CSMD1: variants seen among roughly 807,000 people sequenced by gnomAD.
The protein encoded by CSMD1 is CUB and Sushi multiple domains 1, also known as CUB and sushi domain-containing protein 1.
In CSMD1, 213 loss-of-function variants were observed where a neutral mutation model predicts 417.5. The ratio of observed to expected loss-of-function variants is 0.51; its 90% CI spans 0.46 to 0.57. The LOEUF (loss-of-function observed/expected upper bound fraction) is 0.57, where lower values mean the gene tolerates loss of function less well. Among genes scored for constraint, CSMD1 ranks in the 20% least tolerant of loss-of-function variants. CSMD1 has a pLI of 0.00. For missense variants in CSMD1, 6,923 were observed against 4,529.7 expected, an observed-to-expected ratio of 1.53 and a Z score of -15.17; for synonymous variants, 2,862 against 1,736.8, an observed-to-expected ratio of 1.65 and a Z score of -16.11.
chr8:3,684,457 T>G (rs539783861), intron 7 of CSMD1, among the ~76,000 whole-genome samples: 63 of 150,878 alleles, frequency 4.2e-4, no homozygotes, highest in African/African-American at 1.5e-3. Flanking sequence ...ACAATTTTAT[T>G]TAGATATAGG....
chr8:3,521,336 G>C (rs1384147034), intron 10 of CSMD1, among the ~76,000 whole-genome samples: 1 of 152,022 alleles, frequency 6.6e-6, no homozygotes, highest in African/African-American at 2.4e-5. Flanking sequence ...TTTCACCTCT[G>C]TTTCTTTGCT....
chr8:4,856,545 G>T (rs1204820864), intron 1 of CSMD1, among the ~76,000 whole-genome samples: 2 of 139,474 alleles, frequency 1.4e-5, no homozygotes, highest in East Asian at 4.3e-4. Flanking sequence ...GACACACATA[G>T]GCTCAAAATA....
intron 3 of CSMD1, among the ~76,000 whole-genome samples, chr8:4,099,859 GTTTA>G (rs1482161624): frequency 4.6e-5 from 7 of 152,060 alleles, no homozygotes; most frequent in African/African-American, 1.7e-4. Flanking sequence ...CTTCTTTTCC[GTTTA>G]TTTAAGTTTT....
At chr8:4,435,611 G>T (rs1000263560) in intron 2 of CSMD1, among the ~76,000 whole-genome samples, 2 of 152,286 alleles carry the variant, frequency 1.3e-5, no homozygotes, top group South Asian at 2.1e-4. Context: ...CACGGCACAT[G>T]AGTGAATGGT....
chr8:4,218,407 A>G (rs141063329), intron 3 of CSMD1, among the ~76,000 whole-genome samples: 1 of 152,272 alleles, frequency 6.6e-6, no homozygotes, highest in African/African-American at 2.4e-5. Context: ...CAACTCGAAA[A>G]TGACCTTTAT....
At chr8:4,554,761 T>G (rs976864770) in intron 2 of CSMD1, among the ~76,000 whole-genome samples, 1 of 152,200 alleles carries the variant, frequency 6.6e-6, no homozygotes, top group Non-Finnish European at 1.5e-5. Flanking sequence ...TGAGTGCTAG[T>G]CATTGGCCAG....
At position 4,255,027 on chromosome 8, in the gene CSMD1, C is replaced by T. The variant is rs542247147; in HGVS notation, c.415+164926G>A. ...CAGAGTTATTTTCATCCAATCCCCT[C>T]GTACCATAGAGGAGTTGATCAAGCA... On this transcript the variant is annotated intron_variant, in intron 3 of 69. Coordinates refer to ENST00000635120, the MANE Select transcript of CSMD1 (RefSeq NM_033225.6). 1.3e-4 allele frequency among the ~76,000 whole-genome samples: 20 copies of T among 152,290 alleles called. No homozygotes were observed. In the South Asian group the frequency reaches 1.9e-3, roughly 14 times the overall value.
At chr8:4,964,921 A>G (rs902407060) in intron 1 of CSMD1, among the ~76,000 whole-genome samples, 12 of 152,182 alleles carry the variant, frequency 7.9e-5, no homozygotes, top group Non-Finnish European at 1.8e-4. Flanking sequence ...TCAGCACATC[A>G]GCCCTTGGTG....
At chr8:3,972,560 A>T (rs890877659) in intron 5 of CSMD1, among the ~76,000 whole-genome samples, 3 of 152,206 alleles carry the variant, frequency 2.0e-5, no homozygotes, top group African/African-American at 7.2e-5. Context: ...TATTGCTCAC[A>T]GGGCCTCTTA....
chr8:3,627,426 C>A (rs1210495158), intron 7 of CSMD1, among the ~76,000 whole-genome samples: 1 of 152,140 alleles, frequency 6.6e-6, no homozygotes, highest in Non-Finnish European at 1.5e-5. Context: ...GTCCTGAAAT[C>A]ACAGACATTA....
At chr8:3,068,933 T>C (rs942296415) in intron 49 of CSMD1, among the ~76,000 whole-genome samples, 2 of 152,034 alleles carry the variant, frequency 1.3e-5, no homozygotes, top group African/African-American at 4.8e-5. Context: ...CCTTCTCATA[T>C]TGCAAAATAA....
intron 3 of CSMD1, among the ~76,000 whole-genome samples, chr8:4,214,334 G>T (rs1349284756): frequency 6.6e-6 from 1 of 152,204 alleles, no homozygotes; most frequent in Non-Finnish European, 1.5e-5. Context: ...GTCTCACTCT[G>T]TCACTGAGGC....
At chr8:4,344,046 T>G (rs1373468895) in intron 3 of CSMD1, among the ~76,000 whole-genome samples, 1 of 152,194 alleles carries the variant, frequency 6.6e-6, no homozygotes, top group Non-Finnish European at 1.5e-5. Context: ...AATAGGTGTG[T>G]GTATGTGCGT....
chr8:3,408,948 T>C (rs1490796287), intron 13 of CSMD1, among the ~76,000 whole-genome samples: 1 of 152,196 alleles, frequency 6.6e-6, no homozygotes, highest in Non-Finnish European at 1.5e-5. Flanking sequence ...AAATCGACTG[T>C]GAAGCCTTTT....
intron 3 of CSMD1, among the ~76,000 whole-genome samples, chr8:4,147,863 G>A (rs563651581): frequency 6.6e-6 from 1 of 152,196 alleles, no homozygotes; most frequent in African/African-American, 2.4e-5. Context: ...AATGGTAGCT[G>A]AGCTTCATGG....
At chr8:4,016,545 G>T (rs1054655630) in intron 4 of CSMD1, among the ~76,000 whole-genome samples, 1 of 152,148 alleles carries the variant, frequency 6.6e-6, no homozygotes, top group African/African-American at 2.4e-5. Context: ...GAGAAGGAAA[G>T]AGGAGAAAAG....
intron 23 of CSMD1, among the ~76,000 whole-genome samples, chr8:3,316,785 C>G (rs531748547): frequency 9.9e-5 from 15 of 152,236 alleles, no homozygotes; most frequent in Non-Finnish European, 1.5e-4. Flanking sequence ...GAGACCAACT[C>G]AGCGTGCAGT....
At chr8:3,879,021 A>G (rs1806022516) in intron 5 of CSMD1, among the ~76,000 whole-genome samples, 1 of 152,150 alleles carries the variant, frequency 6.6e-6, no homozygotes, top group South Asian at 2.1e-4. Context: ...AATTTAGTAT[A>G]TTTTACCTCT....
intron 5 of CSMD1, among the ~76,000 whole-genome samples, chr8:3,963,174 C>G (rs920198000): frequency 6.6e-6 from 1 of 152,132 alleles, no homozygotes; most frequent in Non-Finnish European, 1.5e-5. Context: ...TCCAGTAACC[C>G]TCCATTCTCG....
Sources: allele counts gnomAD v4.1 joint callset (sites outside exome capture counted in the v4.1 genomes callset), GRCh38; gene constraint gnomAD v4.1.1; transcripts MANE v1.5; gene names NCBI Gene and HGNC (gene_info 2026-07-23, HGNC 2026-07-21).